KAZN: variants seen among roughly 807,000 people sequenced by gnomAD.
The protein encoded by KAZN is kazrin, periplakin interacting protein.
In KAZN, 40 loss-of-function variants were observed where a neutral mutation model predicts 87.4. The observed-to-expected ratio is 0.46, with a 90% CI of 0.36 to 0.60. The LOEUF (loss-of-function observed/expected upper bound fraction) is 0.60, where lower values mean the gene tolerates loss of function less well. Ranked by LOEUF, KAZN falls within the 20% of genes least tolerant of loss-of-function variation. The pLI, the probability that KAZN is intolerant of heterozygous loss-of-function variation, is 0.00. For synonymous variants in KAZN, 466 were observed against 458.3 expected, an observed-to-expected ratio of 1.02 and a Z score of -0.22; for missense variants, 898 against 1,073.9, an observed-to-expected ratio of 0.84 and a Z score of 2.29.
At chr1:14,536,638 T>G (rs1672519079) in intron 2 of KAZN, among the ~76,000 whole-genome samples, 1 of 152,052 alleles carries the variant, frequency 6.6e-6, no homozygotes, top group Non-Finnish European at 1.5e-5. Context: ...TCCCAACACT[T>G]TGGGAGGCTG....
At chr1:14,699,674 G>A (rs1312069924) in intron 1 of KAZN, among the ~76,000 whole-genome samples, 1 of 152,220 alleles carries the variant, frequency 6.6e-6, no homozygotes, top group Non-Finnish European at 1.5e-5. Context: ...TCAAAGAAGT[G>A]CCATTTGAGC....
chr1:13,893,023 C>T (rs550752747), exon 1 of KAZN: 2 of 151,894 alleles, frequency 1.3e-5, no homozygotes, highest in Non-Finnish European at 2.9e-5. Flanking sequence ...CGGCCCGCGC[C>T]GCCCGCCTCC....
At chr1:13,947,248 C>G (rs1557738633) in intron 1 of KAZN, among the ~76,000 whole-genome samples, 1 of 152,136 alleles carries the variant, frequency 6.6e-6, no homozygotes, top group African/African-American at 2.4e-5. Context: ...AGATAATGAG[C>G]AAGAGCAGGG....
chr1:14,943,274 C>A (rs532095265), intron 1 of KAZN, among the ~76,000 whole-genome samples: 1 of 151,954 alleles, frequency 6.6e-6, no homozygotes, highest in South Asian at 2.1e-4. Context: ...AGTCCAGAAA[C>A]CAGAGAAAGC....
At chr1:14,329,256 A>T (rs189364507) in intron 2 of KAZN, among the ~76,000 whole-genome samples, 65 of 152,066 alleles carry the variant, frequency 4.3e-4, no homozygotes, top group South Asian at 1.9e-3. Context: ...CAGCAGAAGG[A>T]GGTCATCCAG....
intron 2 of KAZN, among the ~76,000 whole-genome samples, chr1:15,004,059 C>T (rs1668767194): frequency 1.3e-5 from 2 of 152,226 alleles, no homozygotes; most frequent in African/African-American, 4.8e-5. Flanking sequence ...AGGTGCTGGG[C>T]ATACCTAGGT....
intron 1 of KAZN, among the ~76,000 whole-genome samples, chr1:14,943,104 A>G (rs1661333655): frequency 6.9e-6 from 1 of 145,060 alleles, no homozygotes; most frequent in Admixed American, 7.0e-5. Context: ...TTTTTCGAAT[A>G]GTTTTCTCCT....
intron 1 of KAZN, among the ~76,000 whole-genome samples, chr1:14,675,716 A>G (rs1017185385): frequency 6.6e-6 from 1 of 152,178 alleles, no homozygotes; most frequent in Non-Finnish European, 1.5e-5. Context: ...CTGTAGATAC[A>G]CAGTAAATAT....
intron 1 of KAZN, among the ~76,000 whole-genome samples, chr1:14,887,154 C>A (rs149481823): frequency 1.3e-5 from 2 of 152,314 alleles, no homozygotes; most frequent in Non-Finnish European, 2.9e-5. Flanking sequence ...TCTGTTTTCC[C>A]ATTTCCTTCC....
chr1:14,789,024 C>G (rs1162096752), intron 1 of KAZN, among the ~76,000 whole-genome samples: 1 of 152,196 alleles, frequency 6.6e-6, no homozygotes, highest in African/African-American at 2.4e-5. Context: ...TAATCTGGCT[C>G]TTTTCTAGCA....
Position 14,472,923 on chromosome 1 carries a change from T to G in KAZN, c.250-126060T>G, listed in dbSNP as rs566005901. Reference sequence around the variant, plus strand: ...TTAAGGGAGGCACATGGCCTCTCAGTTTTAACATAGTTAGGAGAGTAAATT... The same window carrying G: ...TTAAGGGAGGCACATGGCCTCTCAGGTTTAACATAGTTAGGAGAGTAAATT... On this transcript the variant is annotated intron_variant, in intron 2 of 16. Transcript: ENST00000636203. Among the ~76,000 whole-genome samples the G allele has an allele frequency of 6.6e-5, 10 of 152,308 alleles. No homozygotes were observed. In the South Asian group the frequency reaches 2.1e-3, roughly 32 times the overall value.
intron 2 of KAZN, among the ~76,000 whole-genome samples, chr1:14,406,552 A>T (rs1415613437): frequency 6.6e-6 from 1 of 152,060 alleles, no homozygotes; most frequent in African/African-American, 2.4e-5. Context: ...AAAGGATGGG[A>T]GGGGGGTGAG....
intron 8 of KAZN, among the ~76,000 whole-genome samples, chr1:15,076,228 G>A (rs12028975): frequency 0.14 from 21,871 of 152,048 alleles, 2,221 homozygotes; most frequent in East Asian, 0.59. Context: ...TAACAGTCCC[G>A]GGTCACTGAT....
chr1:14,034,442 A>G (rs1455133332), intron 1 of KAZN, among the ~76,000 whole-genome samples: 1 of 152,214 alleles, frequency 6.6e-6, no homozygotes, highest in Non-Finnish European at 1.5e-5. Flanking sequence ...CATGGGGCCA[A>G]ATTGGATTAA....
At chr1:14,106,080 G>A (rs1158696539) in intron 1 of KAZN, among the ~76,000 whole-genome samples, 2 of 152,156 alleles carry the variant, frequency 1.3e-5, no homozygotes, top group East Asian at 3.9e-4. Flanking sequence ...AAAATGATTG[G>A]AAAACTAGGG....
chr1:15,091,912 A>G (rs1640548723), intron 8 of KAZN, among the ~76,000 whole-genome samples: 1 of 152,216 alleles, frequency 6.6e-6, no homozygotes, highest in African/African-American at 2.4e-5. Context: ...GGCAGTAACT[A>G]TGAACATTTG....
At chr1:14,810,089 GTAA>G (rs777413163) in intron 1 of KAZN, among the ~76,000 whole-genome samples, 9 of 152,074 alleles carry the variant, frequency 5.9e-5, no homozygotes, top group Non-Finnish European at 1.2e-4. Context: ...TCCTTACCCA[GTAA>G]TAATAATGTC....
chr1:14,661,583 T>C (rs1639166808), intron 1 of KAZN, among the ~76,000 whole-genome samples: 1 of 151,458 alleles, frequency 6.6e-6, no homozygotes, highest in African/African-American at 2.4e-5. Context: ...GGCCGTAGTT[T>C]GCTGATCCTG....
At chr1:14,334,876 C>CAG (rs1389135277) in intron 2 of KAZN, among the ~76,000 whole-genome samples, 1 of 151,868 alleles carries the variant, frequency 6.6e-6, no homozygotes, top group Admixed American at 6.6e-5. Flanking sequence ...CAGACAGATG[C>CAG]AGAGAGAGAG....
Sources: gnomAD v4.1 joint callset for allele counts (sites outside exome capture counted in the v4.1 genomes callset) on GRCh38, gnomAD v4.1.1 for gene constraint, MANE v1.5 for transcripts, NCBI Gene and HGNC (gene_info 2026-07-23, HGNC 2026-07-21) for gene names.